The following XPNPEP3 variants were observed in gnomAD, a reference collection of about 807,000 sequenced individuals.
XPNPEP3 encodes the protein X-prolyl aminopeptidase 3.
XPNPEP3 carries 41 observed loss-of-function variants against 60.0 expected under a neutral mutation model. That is an observed-to-expected ratio of 0.68 (90% CI 0.53 to 0.89). The LOEUF (loss-of-function observed/expected upper bound fraction) is 0.89. Among genes scored for constraint, XPNPEP3 ranks in the 40% least tolerant of loss-of-function variants. XPNPEP3 has a pLI of 0.00. For missense variants in XPNPEP3, 598 were observed against 638.9 expected, an observed-to-expected ratio of 0.94 and a Z score of 0.69; for synonymous variants, 212 against 223.2, an observed-to-expected ratio of 0.95 and a Z score of 0.45.
intron 5 of XPNPEP3, among the ~76,000 whole-genome samples, chr22:40,908,315 T>A (rs1031676382): frequency 6.6e-6 from 1 of 151,156 alleles, no homozygotes; most frequent in African/African-American, 2.4e-5. Context: ...AGCCCAGGAG[T>A]TTGAGACCAG....
chr22:40,888,267 A>G (rs1380163245), intron 4 of XPNPEP3, among the ~76,000 whole-genome samples: 1 of 152,132 alleles, frequency 6.6e-6, no homozygotes, highest in East Asian at 1.9e-4. Context: ...TTTTTTAGAT[A>G]GAGTCTCGCT....
chr22:40,875,261 G>T (rs564860964), intron 2 of XPNPEP3, among the ~76,000 whole-genome samples: 1 of 151,838 alleles, frequency 6.6e-6, no homozygotes, highest in South Asian at 2.1e-4. Context: ...CTGCAGTCTC[G>T]ACCTCCCAAG....
chr22:40,878,154 C>T (rs1001911379), intron 2 of XPNPEP3, among the ~76,000 whole-genome samples: 2 of 149,714 alleles, frequency 1.3e-5, no homozygotes, highest in Non-Finnish European at 3.0e-5. Context: ...TGCAGTGAGC[C>T]GAGATTGTGC....
intron 2 of XPNPEP3, chr22:40,869,984 C>A: frequency 2.2e-6 from 1 of 463,846 alleles, no homozygotes; most frequent in Non-Finnish European, 4.5e-6. Context: ...TTCACTATCC[C>A]CACTCAGTGA....
chr22:40,861,569 A>G (rs747612550), intron 1 of XPNPEP3: 1 of 1,613,458 alleles, frequency 6.2e-7, no homozygotes, highest in South Asian at 1.1e-5. Context: ...TTGGATATTC[A>G]CTGGCAGTGG....
At chr22:40,925,693 A>G (rs141050324) in intron 9 of XPNPEP3, among the ~76,000 whole-genome samples, 13 of 152,284 alleles carry the variant, frequency 8.5e-5, no homozygotes, top group African/African-American at 2.4e-4. Flanking sequence ...ATTTTTCCAA[A>G]TGTACATTAA....
intron 2 of XPNPEP3, among the ~76,000 whole-genome samples, chr22:40,871,534 A>G (rs944577462): frequency 6.6e-6 from 1 of 152,222 alleles, no homozygotes; most frequent in African/African-American, 2.4e-5. Flanking sequence ...CGCAAGTTCT[A>G]TACATACAGA....
At chr22:40,923,507 G>C (rs1028506917) in intron 8 of XPNPEP3, among the ~76,000 whole-genome samples, 2 of 151,926 alleles carry the variant, frequency 1.3e-5, no homozygotes, top group Non-Finnish European at 2.9e-5. Context: ...TAAAAATGAA[G>C]CTATAAATTG....
At chr22:40,902,898 TTGG>T (rs1185285616) in intron 4 of XPNPEP3, among the ~76,000 whole-genome samples, 1 of 152,160 alleles carries the variant, frequency 6.6e-6, no homozygotes, top group Non-Finnish European at 1.5e-5. Context: ...ACGTAAGGGC[TTGG>T]TGGTTCTCTC....
At chr22:40,873,480 T>C (rs1381809400) in intron 2 of XPNPEP3, among the ~76,000 whole-genome samples, 4 of 152,104 alleles carry the variant, frequency 2.6e-5, no homozygotes, top group Non-Finnish European at 2.9e-5. Flanking sequence ...GCATGAAATA[T>C]AAGACGATGC....
intron 1 of XPNPEP3, among the ~76,000 whole-genome samples, chr22:40,864,651 G>A (rs2057968843): frequency 6.6e-6 from 1 of 152,024 alleles, no homozygotes; most frequent in Non-Finnish European, 1.5e-5. Context: ...CTCCATGTTG[G>A]TCAGGCTGAT....
chr22:40,886,850 A>G (rs920334785), intron 4 of XPNPEP3, among the ~76,000 whole-genome samples: 2 of 151,788 alleles, frequency 1.3e-5, no homozygotes, highest in African/African-American at 2.4e-5. Context: ...AAAACAAGAA[A>G]AAAAGAAAAA....
intron 4 of XPNPEP3, among the ~76,000 whole-genome samples, chr22:40,904,744 G>A (rs557884452): frequency 2.0e-5 from 3 of 152,256 alleles, no homozygotes; most frequent in African/African-American, 7.2e-5. Context: ...GTGTGTGCAA[G>A]TGTCCTTTAA....
At chr22:40,859,210 A>C (rs2057925956) in intron 1 of XPNPEP3, among the ~76,000 whole-genome samples, 1 of 152,224 alleles carries the variant, frequency 6.6e-6, no homozygotes, top group Non-Finnish European at 1.5e-5. Flanking sequence ...TAAGATGAGT[A>C]CAAGGAGCTG....
At position 40,872,902 on chromosome 22, in the gene XPNPEP3, C is replaced by T. The variant is rs552746138; in HGVS notation, c.181+3787C>T. On this transcript the variant is annotated intron_variant, in intron 2 of 9. Transcript: ENST00000357137. ...ACACTGAAACATATCAGAGAATGAA[C>T]GGGAAGAATCAGTGGAATTCCTAAT... Among the ~76,000 whole-genome samples the T allele has an allele frequency of 4.2e-4, 64 of 151,930 alleles. 3 individuals are homozygous for T. In the South Asian group the frequency reaches 0.013, roughly 30 times the overall value.
chr22:40,926,154 C>A (rs2058233721), intron 9 of XPNPEP3, 115 bp from the exon 10 acceptor site: 20 of 1,076,052 alleles, frequency 1.9e-5, no homozygotes, highest in Middle Eastern at 2.8e-4. Context: ...AGGTAGGTAC[C>A]ATAAAGATCC....
At chr22:40,862,696 T>A in intron 1 of XPNPEP3, 8 of 985,466 alleles carry the variant, frequency 8.1e-6, no homozygotes, top group Non-Finnish European at 9.6e-6. Flanking sequence ...CATTTGAGAT[T>A]ATAGTATCTT....
intron 1 of XPNPEP3, among the ~76,000 whole-genome samples, chr22:40,868,772 A>G (rs1030292777): frequency 2.6e-5 from 4 of 152,010 alleles, no homozygotes; most frequent in African/African-American, 7.3e-5. Context: ...ACTTGAACCC[A>G]GGAGGTGGAG....
chr22:40,862,002 CAGAT>C, intron 1 of XPNPEP3: 1 of 1,575,802 alleles, frequency 6.3e-7, no homozygotes, highest in Non-Finnish European at 8.6e-7. Flanking sequence ...CATGTTTTAA[CAGAT>C]AGTTGGAAGT....
Sources: gnomAD v4.1 joint callset for allele counts (sites outside exome capture counted in the v4.1 genomes callset) on GRCh38, gnomAD v4.1.1 for gene constraint, MANE v1.5 for transcripts, NCBI Gene and HGNC (gene_info 2026-07-23, HGNC 2026-07-21) for gene names.